Variants in CWF19L2 observed in about 807,000 individuals in gnomAD.
CWF19L2 encodes CWF19-like protein 2.
Under a neutral mutation model 111.7 loss-of-function variants are expected in CWF19L2, and 98 were observed. The ratio of observed to expected loss-of-function variants is 0.88; its 90% CI spans 0.75 to 1.04. CWF19L2 has a LOEUF of 1.04. Ranked by LOEUF, CWF19L2 falls within the 50% of genes least tolerant of loss-of-function variation. The probability of loss-of-function intolerance (pLI) is 0.00; values close to 1 mark genes in which losing one functional copy is unlikely to be tolerated. For missense variants in CWF19L2, 1,101 were observed against 1,051.4 expected, an observed-to-expected ratio of 1.05 and a Z score of -0.65; for synonymous variants, 351 against 342.9, an observed-to-expected ratio of 1.02 and a Z score of -0.26.
chr11:107,354,671 A>G (rs542307), intron 12 of CWF19L2, among the ~76,000 whole-genome samples: 2,359 of 152,324 alleles, frequency 0.015, 55 homozygotes, highest in African/African-American at 0.054. Flanking sequence ...CATGAAACAA[A>G]GTTTATGTAT....
intron 3 of CWF19L2, among the ~76,000 whole-genome samples, chr11:107,452,728 ACACCCGTAATCCCAG>A (rs1201986889): frequency 6.6e-6 from 1 of 152,252 alleles, no homozygotes; most frequent in Non-Finnish European, 1.5e-5. Context: ...ATGGTGGCTC[ACACCCGTAATCCCAG>A]CACTTTGGAA....
At chr11:107,331,909 T>C (rs1565240832) in intron 16 of CWF19L2, among the ~76,000 whole-genome samples, 1 of 152,244 alleles carries the variant, frequency 6.6e-6, no homozygotes, top group Non-Finnish European at 1.5e-5. Flanking sequence ...AAGGCTCTAG[T>C]ATCAAAGTGT....
intron 14 of CWF19L2, chr11:107,345,535 A>G (rs1211381885): frequency 1.6e-5 from 7 of 446,518 alleles, no homozygotes; most frequent in Admixed American, 2.8e-5. Flanking sequence ...CATGAATTAT[A>G]AACAAAAACT....
chr11:107,377,959 T>C (rs1418571711), intron 12 of CWF19L2, among the ~76,000 whole-genome samples: 327 of 152,026 alleles, frequency 2.2e-3, no homozygotes, highest in Non-Finnish European at 3.1e-3. Flanking sequence ...GGGCGGAGGA[T>C]ATGAACAGAC....
At chr11:107,430,791 G>A (rs1021300313) in intron 7 of CWF19L2, among the ~76,000 whole-genome samples, 2 of 151,786 alleles carry the variant, frequency 1.3e-5, no homozygotes, top group African/African-American at 4.8e-5. Context: ...CTGGAGATAC[G>A]ATGTACAGTA....
At chr11:107,431,364 A>T (rs79936244) in intron 7 of CWF19L2, among the ~76,000 whole-genome samples, 5,644 of 152,074 alleles carry the variant, frequency 0.037, 278 homozygotes, top group East Asian at 0.21. Flanking sequence ...AATATAAAAA[A>T]ATAAAAATAA....
At chr11:107,456,653 T>TA (rs1164455475) in intron 1 of CWF19L2, among the ~76,000 whole-genome samples, 13 of 152,174 alleles carry the variant, frequency 8.5e-5, no homozygotes, top group South Asian at 4.2e-4. Context: ...CTAGAAGAGT[T>TA]AATATTCCAG....
In CWF19L2 at chr11:107,443,013, G is replaced by C. The variant is rs1861653991; in HGVS notation, c.376C>G (p.Gln126Glu). Residue 126 changes from glutamine to glutamate, a missense_variant, in exon 4 of 18, where the codon CAG becomes GAG. Coordinates refer to ENST00000282251, the MANE Select transcript of CWF19L2 (RefSeq NM_152434.3). ...EDEWVEAVPS[Q>E]TPDKEKAWKV... The stretch of plus-strand genomic sequence containing the variant: ...CAGGCTTTTTCCTTGTCAGGAGTCT[G>C]GGATGGAACAGCCTCAACCCACTCA... The C allele has an allele frequency of 6.4e-7, 1 of 1,551,756 alleles. No homozygotes were observed. Among genetic ancestry groups the C allele is most frequent in the Non-Finnish European group, 8.7e-7 (1 of 1,146,800 alleles).
intron 14 of CWF19L2, among the ~76,000 whole-genome samples, chr11:107,343,294 A>C (rs963374369): frequency 2.0e-5 from 3 of 151,076 alleles, no homozygotes; most frequent in African/African-American, 7.3e-5. Context: ...TTTGTGCCTC[A>C]GTGTTGGTGT....
At chr11:107,345,241 TAC>T in intron 14 of CWF19L2, among the ~76,000 whole-genome samples, 1 of 152,206 alleles carries the variant, frequency 6.6e-6, no homozygotes, top group Non-Finnish European at 1.5e-5. Flanking sequence ...TATTGTTACT[TAC>T]TTCAATATCT....
At chr11:107,340,624 C>T (rs1202595469) in intron 14 of CWF19L2, among the ~76,000 whole-genome samples, 1 of 152,114 alleles carries the variant, frequency 6.6e-6, no homozygotes, top group African/African-American at 2.4e-5. Flanking sequence ...CTGATTCTTG[C>T]AACTGTATTC....
rs567656221 is a variant in CWF19L2 at position 107,369,122 on chromosome 11, C to T, written c.1873-15386G>A. On this transcript the variant is annotated intron_variant, in intron 12 of 17. Transcript: ENST00000282251. ...CTTGGCCAGAATGTAACGCCAGTTG[C>T]TTCTATGCTAACTATATCAGCAAGA... is the stretch of plus-strand genomic sequence containing the variant. 2.9e-5 allele frequency among the ~76,000 whole-genome samples: 4 copies of T among 138,046 alleles called. 2 individuals carry two copies. The South Asian group carries it at 9.8e-4, about 34-fold the overall frequency. The allele number at this position is 138,046 out of a possible 152,430, so 90.6% of individuals were successfully genotyped here. A position where few individuals can be genotyped will look rare whatever the true frequency, so the allele number is the denominator to read the frequency against.
At chr11:107,408,896 A>G (rs563227318) in intron 10 of CWF19L2, among the ~76,000 whole-genome samples, 28 of 152,174 alleles carry the variant, frequency 1.8e-4, no homozygotes, top group Non-Finnish European at 4.0e-4. Context: ...CTTTAGATTT[A>G]AAATATTTGA....
At chr11:107,411,086 C>T (rs1329150487) in intron 10 of CWF19L2, among the ~76,000 whole-genome samples, 1 of 60,488 alleles carries the variant, frequency 1.7e-5, no homozygotes, top group Admixed American at 1.3e-4. Flanking sequence ...TGCGCGCGTG[C>T]GTGCACACAC....
chr11:107,425,179 A>AACACACACACACAC (rs138792527), intron 8 of CWF19L2, among the ~76,000 whole-genome samples: 13 of 144,936 alleles, frequency 9.0e-5, no homozygotes, highest in African/African-American at 2.8e-4. Flanking sequence ...CTCTCTTTGA[A>AACACACACACACAC]ACACACACAC....
chr11:107,330,689 C>CACA (rs58207804), intron 16 of CWF19L2, among the ~76,000 whole-genome samples: 1 of 141,520 alleles, frequency 7.1e-6, no homozygotes, highest in African/African-American at 2.8e-5. Flanking sequence ...CACACACACA[C>CACA]TTTAAACTAT....
intron 12 of CWF19L2, among the ~76,000 whole-genome samples, chr11:107,362,462 C>T (rs968733825): frequency 5.3e-5 from 8 of 152,198 alleles, no homozygotes; most frequent in South Asian, 2.1e-4. Context: ...TCTCCCAGCA[C>T]GCAGCTGGAG....
intron 3 of CWF19L2, among the ~76,000 whole-genome samples, chr11:107,452,705 T>A (rs977088440): frequency 6.6e-6 from 1 of 151,560 alleles, no homozygotes. Context: ...GGAAAAAAAA[T>A]AGGAGGCCAA....
At chr11:107,404,003 A>AG (rs1366432743) in intron 10 of CWF19L2, 1 of 798,502 alleles carries the variant, frequency 1.3e-6, no homozygotes, top group African/African-American at 1.7e-5. Flanking sequence ...ACTCTCACTA[A>AG]GGATTTCACT....
Sources: allele counts gnomAD v4.1 joint callset (sites outside exome capture counted in the v4.1 genomes callset), GRCh38; gene constraint gnomAD v4.1.1; transcripts MANE v1.5; gene names NCBI Gene and HGNC (gene_info 2026-07-23, HGNC 2026-07-21).